The following ALMS1 variants were observed in gnomAD, a reference collection of about 807,000 sequenced individuals.
ALMS1 encodes the protein ALMS1 centrosome and basal body associated protein.
ALMS1 carries 271 observed loss-of-function variants against 352.2 expected under a neutral mutation model. The observed-to-expected ratio is 0.77, with a 90% CI of 0.70 to 0.85. The LOEUF (loss-of-function observed/expected upper bound fraction) is 0.85. Among genes scored for constraint, ALMS1 ranks in the 40% least tolerant of loss-of-function variants. The pLI is 0.00. For missense variants in ALMS1, 5,445 were observed against 4,870.7 expected (o/e 1.12, Z -3.51); for synonymous variants, 1,865 against 1,761.2 (o/e 1.06, Z -1.48).
intron 1 of ALMS1, among the ~76,000 whole-genome samples, chr2:73,405,897 A>T (rs536807101): frequency 6.6e-6 from 1 of 152,150 alleles, no homozygotes; most frequent in East Asian, 1.9e-4. Context: ...TTCTAGTTTC[A>T]TTCTGTTGTG....
chr2:73,530,698 C>A (rs1673890129), intron 11 of ALMS1, among the ~76,000 whole-genome samples: 1 of 152,242 alleles, frequency 6.6e-6, no homozygotes, highest in African/African-American at 2.4e-5. Context: ...AGAAGTTCTC[C>A]ATGAGTGCTC....
intron 15 of ALMS1, among the ~76,000 whole-genome samples, chr2:73,561,073 A>G (rs1674651776): frequency 6.6e-6 from 1 of 152,242 alleles, no homozygotes. Context: ...AGTTAATCAA[A>G]TTGTAACAGG....
chr2:73,473,771 G>T (rs1672516339), intron 9 of ALMS1, among the ~76,000 whole-genome samples: 1 of 152,070 alleles, frequency 6.6e-6, no homozygotes, highest in African/African-American at 2.4e-5. Context: ...CAATAGCTGA[G>T]TAGTCTGAAC....
intron 1 of ALMS1, among the ~76,000 whole-genome samples, chr2:73,394,800 C>T (rs1670719975): frequency 6.6e-6 from 1 of 151,908 alleles, no homozygotes; most frequent in East Asian, 1.9e-4. Flanking sequence ...ATGGCATAGC[C>T]TACTACACAC....
chr2:73,450,919 G>T lies in ALMS1; in HGVS notation c.4392G>T (p.Gln1464His), dbSNP rs1671923143. The T allele has an allele frequency of 6.2e-7, 1 of 1,613,906 alleles. No individual in the cohort carries two copies. The highest frequency in any genetic ancestry group is 8.5e-7 in the Non-Finnish European group (1 of 1,179,964). ...CAGTTGCTCCTGGACCAGTTGACCAGACGATTGGCACACCAACTGTAACCT... is the reference window on the plus strand; with the variant it reads ...CAGTTGCTCCTGGACCAGTTGACCATACGATTGGCACACCAACTGTAACCT... Reference protein sequence around the residue: ...EVSVAPGPVDQTIGTPTVTSP... With the variant: ...EVSVAPGPVDHTIGTPTVTSP... Residue 1464 changes from glutamine (Q) to histidine (H), a missense_variant, in exon 8 of 23, where the codon CAG becomes CAT. Physicochemically the swap from Gln to His is conservative, Grantham distance 24. Transcript: ENST00000613296.
intron 9 of ALMS1, among the ~76,000 whole-genome samples, chr2:73,475,957 T>C (rs1374076478): frequency 1.3e-5 from 2 of 152,102 alleles, no homozygotes; most frequent in Non-Finnish European, 2.9e-5. Flanking sequence ...TCAGTGGCGT[T>C]AAGTACATTC....
rs565481153 is a variant in ALMS1, at chr2:73,600,998, A to G, written c.11872+117A>G. The G allele has an allele frequency of 5.0e-6, 7 of 1,411,378 alleles. No homozygotes were observed. The African/African-American group carries it at 1.0e-4, about 20-fold the overall frequency. The allele number at this position is 1,411,378 out of a possible 1,614,324, so 87.4% of individuals were successfully genotyped here. On this transcript the variant is annotated intron_variant, in intron 18 of 22. Transcript: ENST00000613296. ...TGGTCCCCACCTACCCCCAGCCACA[A>G]CCTTGTCAGGTTTTCAGAGTCCAGC...
At chr2:73,459,471 T>C (rs1479149434) in intron 9 of ALMS1, 1 of 152,194 alleles carries the variant, frequency 6.6e-6, no homozygotes, top group East Asian at 1.9e-4. Context: ...TTAATTTGGT[T>C]ATTGAAAAAA....
intron 9 of ALMS1, among the ~76,000 whole-genome samples, chr2:73,480,185 C>T (rs972859580): frequency 6.6e-5 from 10 of 151,992 alleles, no homozygotes; most frequent in Non-Finnish European, 1.3e-4. Flanking sequence ...ACTAACTTGT[C>T]ATCTAGCATT....
At chr2:73,557,403 A>G (rs1473606231) in intron 14 of ALMS1, 49 bp downstream of exon 14, 1 of 1,611,228 alleles carries the variant, frequency 6.2e-7, no homozygotes, top group Admixed American at 1.7e-5. Context: ...GTCTTCTAAA[A>G]TGAGACTATT....
chr2:73,386,197 G>A lies in ALMS1; in HGVS notation c.324+5G>A. The A allele has an allele frequency of 6.5e-7, 1 of 1,529,510 alleles. No homozygotes were observed. The highest frequency in any genetic ancestry group is 1.2e-5 in the South Asian group (1 of 82,722). The allele number at this position is 1,529,510 out of a possible 1,614,324, so 94.7% of individuals were successfully genotyped here. A position where few individuals can be genotyped will look rare whatever the true frequency, so the allele number is the denominator to read the frequency against. On this transcript the variant is annotated splice_donor_5th_base_variant and intron_variant, in intron 1 of 22. Coordinates refer to ENST00000613296, the MANE Select transcript of ALMS1 (RefSeq NM_001378454.1). ...GAGCGGACCTCCCTGGAGAAGGTGA[G>A]GCGGGCCGGGGAGGGGTGTGGAGCC... is the stretch of plus-strand genomic sequence containing the variant.
At chr2:73,603,209 G>A in intron 20 of ALMS1, 32 bp from the exon 21 acceptor site, 1 of 1,609,866 alleles carries the variant, frequency 6.2e-7, no homozygotes, top group Non-Finnish European at 8.5e-7. Context: ...TTAAGTCACT[G>A]TCCACTGAAA....
At chr2:73,541,805 A>G (rs1019064554) in intron 12 of ALMS1, among the ~76,000 whole-genome samples, 13 of 152,232 alleles carry the variant, frequency 8.5e-5, no homozygotes, top group African/African-American at 2.7e-4. Flanking sequence ...ATACCTTCCC[A>G]AGACTAAACC....
At chr2:73,604,964 G>T (rs1408842604) in intron 21 of ALMS1, among the ~76,000 whole-genome samples, 1 of 152,180 alleles carries the variant, frequency 6.6e-6, no homozygotes, top group African/African-American at 2.4e-5. Context: ...TGTAAATGGA[G>T]GTACACGGGA....
At chr2:73,434,952 C>T (rs1403157143) in intron 7 of ALMS1, among the ~76,000 whole-genome samples, 8 of 152,082 alleles carry the variant, frequency 5.3e-5, no homozygotes, top group African/African-American at 1.9e-4. Flanking sequence ...GTGTGCCCAC[C>T]ATGCCCAATT....
chr2:73,521,310 G>T (rs528822073), intron 11 of ALMS1, among the ~76,000 whole-genome samples: 1 of 151,920 alleles, frequency 6.6e-6, no homozygotes, highest in East Asian at 1.9e-4. Context: ...TTGGACTTTG[G>T]CTGGGCTGGC....
intron 13 of ALMS1, among the ~76,000 whole-genome samples, chr2:73,551,498 G>A (rs114474332): frequency 0.019 from 2,782 of 144,476 alleles, 103 homozygotes; most frequent in African/African-American, 0.066. Context: ...GTGCGATGGC[G>A]CGATCTTGGC....
At chr2:73,578,965 A>C (rs1198699338) in intron 16 of ALMS1, among the ~76,000 whole-genome samples, 1 of 151,550 alleles carries the variant, frequency 6.6e-6, no homozygotes, top group African/African-American at 2.4e-5. Context: ...CTTTCATTTC[A>C]CCTTGGAGTA....
chr2:73,410,978 C>A (rs1000812363), intron 2 of ALMS1, among the ~76,000 whole-genome samples: 2 of 151,874 alleles, frequency 1.3e-5, no homozygotes, highest in African/African-American at 4.8e-5. Flanking sequence ...CAATCCCTGA[C>A]CATAAAAAAC....
Sources: gnomAD v4.1 joint callset for allele counts (sites outside exome capture counted in the v4.1 genomes callset) on GRCh38, gnomAD v4.1.1 for gene constraint, MANE v1.5 for transcripts, NCBI Gene and HGNC (gene_info 2026-07-23, HGNC 2026-07-21) for gene names.